ITSN2: variants seen among roughly 807,000 people sequenced by gnomAD.
ITSN2 encodes intersectin 2.
In ITSN2, 156 loss-of-function variants were observed where a neutral mutation model predicts 243.7. The ratio of observed to expected loss-of-function variants is 0.64; its 90% CI spans 0.56 to 0.73. ITSN2 has a LOEUF of 0.73. ITSN2 is among the 30% of genes least tolerant of loss of function. The pLI, the probability that ITSN2 is intolerant of heterozygous loss-of-function variation, is 0.00. For synonymous variants in ITSN2, 703 were observed against 699.9 expected (o/e 1.00, Z -0.07); for missense variants, 1,801 against 1,996.1 (o/e 0.90, Z 1.86).
intron 18 of ITSN2, among the ~76,000 whole-genome samples, chr2:24,274,372 CCGGCCTG>C: frequency 6.6e-6 from 1 of 152,072 alleles, no homozygotes. Flanking sequence ...GAGTTTGAGA[CCGGCCTG>C]AGCAACACAG....
At chr2:24,303,097 A>G (rs561152375) in intron 9 of ITSN2, among the ~76,000 whole-genome samples, 1 of 152,342 alleles carries the variant, frequency 6.6e-6, no homozygotes, top group South Asian at 2.1e-4. Flanking sequence ...ACATCTGTTA[A>G]TATATTACTG....
intron 2 of ITSN2, among the ~76,000 whole-genome samples, chr2:24,320,715 AC>A (rs1684466379): frequency 7.3e-6 from 1 of 136,564 alleles, no homozygotes; most frequent in Non-Finnish European, 1.5e-5. Flanking sequence ...TCAACAAAAA[AC>A]AAACAACAAC....
At chr2:24,231,367 T>C (rs1035952230) in intron 29 of ITSN2, among the ~76,000 whole-genome samples, 2 of 152,264 alleles carry the variant, frequency 1.3e-5, no homozygotes, top group Non-Finnish European at 2.9e-5. Flanking sequence ...AGATACACTC[T>C]GAGCTTCAGG....
In ITSN2 at chr2:24,271,766, G is replaced by A. The variant is rs763290734; in HGVS notation, c.2257C>T (p.Arg753Cys). 41 of 1,575,062 alleles carry A rather than the reference G, an allele frequency of 2.6e-5. No homozygotes were observed. Among genetic ancestry groups the A allele is most frequent in the South Asian group, 7.3e-5 (6 of 81,640 alleles). Residue 753 changes from arginine to cysteine, a missense_variant and splice_region_variant, in exon 19 of 40, where the codon CGT (arginine) becomes TGT (cysteine). This residue lies in a region of ITSN2 where 787 missense variants were observed against 803.9 expected (regional missense o/e 0.98). Transcript: ENST00000355123. Reference protein sequence around the residue: ...KDTLKAEEKKRETASVLVNYR... With the variant: ...KDTLKAEEKKCETASVLVNYR... ...TGTCTCAAAGTATCCTTATCCTTACGTTTTTTCTCCTCAGCTTTCAAAGTA... is the reference window on the plus strand; with the variant it reads ...TGTCTCAAAGTATCCTTATCCTTACATTTTTTCTCCTCAGCTTTCAAAGTA...
rs569530797 is a variant in ITSN2 at position 24,223,749 on chromosome 2, AAGGGAAGGGG to A, written c.3578-2693_3578-2684del. ...GAAGGAAAAAGTGAATGTAAGGGGAAAGGGAAGGGGAGGGGAGGGGAGGGGAGTGAGGGAA... is the reference window on the plus strand; with the variant it reads ...GAAGGAAAAAGTGAATGTAAGGGGAAAGGGGAGGGGAGGGGAGTGAGGGAA... On this transcript the variant is annotated intron_variant, in intron 29 of 39. Transcript: ENST00000355123. 1.8e-3 allele frequency among the ~76,000 whole-genome samples: 261 copies of A among 142,138 alleles called. 1 individual carries two copies. Among genetic ancestry groups the A allele is most frequent in the African/African-American group, 6.3e-3 (248 of 39,128 alleles). The allele number at this position is 142,138 out of a possible 152,430, so 93.2% of individuals were successfully genotyped here.
intron 34 of ITSN2, 173 bp from the exon 35 acceptor site, chr2:24,210,206 C>A: frequency 1.7e-6 from 1 of 585,240 alleles, no homozygotes; most frequent in African/African-American, 1.9e-5. Flanking sequence ...CTTCAGAGTC[C>A]AAACTGGCCC....
intron 2 of ITSN2, among the ~76,000 whole-genome samples, chr2:24,320,952 T>C (rs1305526902): frequency 2.0e-5 from 3 of 152,158 alleles, no homozygotes; most frequent in African/African-American, 4.8e-5. Context: ...CCAGCCCGTT[T>C]TGTCAGATTA....
At chr2:24,299,832 C>T in intron 12 of ITSN2, 77 bp downstream of exon 12, 1 of 1,270,252 alleles carries the variant, frequency 7.9e-7, no homozygotes, top group Non-Finnish European at 1.1e-6. Context: ...CAAAAATAAG[C>T]ATTTTTTAAT....
At chr2:24,254,468 C>T (rs776384699) in intron 23 of ITSN2, 37 bp from the exon 24 acceptor site, 2 of 1,490,598 alleles carry the variant, frequency 1.3e-6, no homozygotes, top group Non-Finnish European at 9.3e-7. Flanking sequence ...AACAAACAAA[C>T]AAATACAAGC....
chr2:24,209,948 T>C lies in ITSN2; in HGVS notation c.4343A>G (p.Lys1448Arg), dbSNP rs143508451. Residue 1448 changes from lysine to arginine, a missense_variant, in exon 35 of 40, where the codon AAG (lysine) becomes AGG (arginine). Coordinates refer to ENST00000355123, the MANE Select transcript of ITSN2 (RefSeq NM_006277.3). ...ATTGAAGAGGAATCCGTGCAGTTCCTTGTTGCTCTTGGTCTTGTATAATTT... is the reference window on the plus strand; with the variant it reads ...ATTGAAGAGGAATCCGTGCAGTTCCCTGTTGCTCTTGGTCTTGTATAATTT... ...SGKLYKTKSN[K>R]ELHGFLFNDF... 3.1e-6 allele frequency: 5 copies of C among 1,614,110 alleles called. No homozygotes were observed. In the African/African-American group the frequency reaches 5.3e-5, roughly 17 times the overall value.
intron 2 of ITSN2, chr2:24,326,543 C>T (rs1479201001): frequency 6.0e-6 from 1 of 167,268 alleles, no homozygotes; most frequent in East Asian, 1.9e-4. Flanking sequence ...AATCACTGCC[C>T]TAATTTTAAA....
chr2:24,269,893 A>G (rs530493869), intron 20 of ITSN2, among the ~76,000 whole-genome samples: 3 of 152,082 alleles, frequency 2.0e-5, no homozygotes, highest in Admixed American at 2.0e-4. Context: ...TGTAGAACAA[A>G]CCTCTCCCCC....
chr2:24,216,263 C>T (rs1208309666), intron 31 of ITSN2, 31 bp from the exon 32 acceptor site: 2 of 1,522,860 alleles, frequency 1.3e-6, no homozygotes, highest in Non-Finnish European at 1.8e-6. Context: ...TTTTGTGTTT[C>T]TAAGTGAATG....
chr2:24,203,693 T>C lies in ITSN2; in HGVS notation c.5027A>G (p.Glu1676Gly). The C allele has an allele frequency of 6.2e-7, 1 of 1,614,198 alleles. No homozygotes were observed. Among genetic ancestry groups the C allele is most frequent in the Non-Finnish European group, 8.5e-7 (1 of 1,180,038 alleles). The change falls in exon 40 of 40, where the codon GAG becomes GGG. Residue 1676 changes from glutamate (E) to glycine (G), a missense_variant. Transcript: ENST00000355123. ...GACCCAGACCTCCCCGGTGGGGACC[T>C]CATGCAGCAGCAGTCGGCGGGTCAT... Reference protein sequence around the residue: ...GPMTRRLLLHEVPTGEVWVRF... With the variant: ...GPMTRRLLLHGVPTGEVWVRF...
chr2:24,283,648 T>G (rs1230258198), intron 17 of ITSN2, among the ~76,000 whole-genome samples: 1 of 152,252 alleles, frequency 6.6e-6, no homozygotes, highest in East Asian at 1.9e-4. Flanking sequence ...ATAGATTTCA[T>G]ATCTCTTTAG....
chr2:24,292,361 C>T (rs149846457), intron 15 of ITSN2, among the ~76,000 whole-genome samples: 133 of 152,274 alleles, frequency 8.7e-4, no homozygotes, highest in African/African-American at 3.0e-3. Flanking sequence ...ATTTCTGCCA[C>T]TGTGCATATC....
intron 29 of ITSN2, among the ~76,000 whole-genome samples, chr2:24,232,733 G>C (rs970637130): frequency 1.3e-5 from 2 of 152,182 alleles, no homozygotes; most frequent in Non-Finnish European, 2.9e-5. Context: ...GTGGTGAAGA[G>C]ACTTACCAGA....
rs1267167278 is a variant in ITSN2 at position 24,204,409 on chromosome 2, T to G, written c.4772A>C (p.Asn1591Thr). The stretch of plus-strand genomic sequence containing the variant: ...GCCCATGCTGATTTCACAGTATGGG[T>G]TGCTCTTTCCTGAACAAAAACAAAC... ...LKACKPNGKS[N>T]PYCEISMGSQ... The change falls in exon 39 of 40, where the codon AAC becomes ACC. Residue 1591 changes from asparagine to threonine, a missense_variant. Asn to Thr is a moderately conservative substitution (Grantham distance 65, BLOSUM62 0). Transcript: ENST00000355123. This position sits in a 1 kb window ranked among gnomAD's most constrained non-coding sequence, Gnocchi z 5.1. 2 of 1,613,882 alleles carry G rather than the reference T, an allele frequency of 1.2e-6. No homozygotes were observed. The highest frequency in any genetic ancestry group is 1.7e-6 in the Non-Finnish European group (2 of 1,179,986).
intron 15 of ITSN2, among the ~76,000 whole-genome samples, chr2:24,291,977 T>C (rs1199425468): frequency 6.6e-6 from 1 of 152,206 alleles, no homozygotes; most frequent in Non-Finnish European, 1.5e-5. Flanking sequence ...GGGTAACTAC[T>C]TAATCTCTCT....
Sources: allele counts gnomAD v4.1 joint callset (sites outside exome capture counted in the v4.1 genomes callset), GRCh38; gene constraint gnomAD v4.1.1; regional missense constraint gnomAD v4.1.1; non-coding constraint Gnocchi (gnomAD v3.1); transcripts MANE v1.5; gene names NCBI Gene and HGNC (gene_info 2026-07-23, HGNC 2026-07-21).